The following GABRB2 variants were observed in gnomAD, a reference collection of about 807,000 sequenced individuals.
GABRB2 encodes gamma-aminobutyric acid type A receptor subunit beta2.
GABRB2 carries 16 observed loss-of-function variants against 54.7 expected under a neutral mutation model. The observed-to-expected ratio is 0.29, with a 90% CI of 0.20 to 0.44. GABRB2 has a LOEUF of 0.44. Among genes scored for constraint, GABRB2 ranks in the 20% least tolerant of loss-of-function variants. The probability of loss-of-function intolerance (pLI) is 1.00; values close to 1 mark genes in which losing one functional copy is unlikely to be tolerated. For missense variants in GABRB2, 355 were observed against 644.0 expected, an observed-to-expected ratio of 0.55 and a Z score of 4.86; for synonymous variants, 244 against 233.8, an observed-to-expected ratio of 1.04 and a Z score of -0.40.
chr5:161,533,072 T>C (rs1760514911), intron 3 of GABRB2, among the ~76,000 whole-genome samples: 1 of 151,594 alleles, frequency 6.6e-6, no homozygotes, highest in Non-Finnish European at 1.5e-5. Context: ...GCCCAGACAA[T>C]TACTTCTAGG....
Position 161,546,243 on chromosome 5 carries a change from G to A in GABRB2, c.169+79C>T, listed in dbSNP as rs1760983153. On this transcript the variant is annotated intron_variant, in intron 2 of 9. Coordinates refer to ENST00000393959, the MANE Select transcript of GABRB2 (RefSeq NM_001371727.1). ...GACACCACATGCACCCACAACTAGG[G>A]AGAGGGAAGAGAGCGCGCACAAAGC... The A allele has an allele frequency of 2.7e-6, 3 of 1,116,444 alleles. No homozygotes were observed. In the African/African-American group the frequency reaches 4.6e-5, roughly 17 times the overall value. 69.2% of individuals were successfully genotyped at this position (1,116,444 alleles called of 1,614,324 possible).
chr5:161,374,781 G>T (rs1363275952), intron 5 of GABRB2, among the ~76,000 whole-genome samples: 2 of 152,070 alleles, frequency 1.3e-5, no homozygotes, highest in African/African-American at 2.4e-5. Flanking sequence ...TGATCTTCAT[G>T]GGTACACATA....
At chr5:161,297,322 G>T (rs1757407022) in intron 9 of GABRB2, among the ~76,000 whole-genome samples, 1 of 152,118 alleles carries the variant, frequency 6.6e-6, no homozygotes, top group Non-Finnish European at 1.5e-5. Flanking sequence ...TGGGACACAT[G>T]TGCAGAACAT....
intron 4 of GABRB2, among the ~76,000 whole-genome samples, chr5:161,411,982 T>C (rs1019845831): frequency 6.6e-6 from 1 of 152,258 alleles, no homozygotes; most frequent in South Asian, 2.1e-4. Context: ...TTTAAAAATT[T>C]CCATCTGCTG....
At chr5:161,294,501 T>C (rs1027653117) in intron 9 of GABRB2, 73 bp from the exon 10 acceptor site, 16 of 1,287,212 alleles carry the variant, frequency 1.2e-5, no homozygotes, top group African/African-American at 3.0e-5. Context: ...CAAGGCACTA[T>C]GATCGGCACT....
At chr5:161,400,405 TAAACTAA>T (rs1245387200) in intron 5 of GABRB2, among the ~76,000 whole-genome samples, 24 of 152,158 alleles carry the variant, frequency 1.6e-4, no homozygotes, top group Non-Finnish European at 3.2e-4. Context: ...AGCCTAAAAG[TAAACTAA>T]GTAAACACGT....
chr5:161,451,911 T>C (rs1412639660), intron 4 of GABRB2, among the ~76,000 whole-genome samples: 1 of 152,162 alleles, frequency 6.6e-6, no homozygotes, highest in African/African-American at 2.4e-5. Context: ...TTTATTTTCA[T>C]AAGAACTATA....
At chr5:161,335,415 G>A (rs1374795979) in intron 6 of GABRB2, among the ~76,000 whole-genome samples, 2 of 152,006 alleles carry the variant, frequency 1.3e-5, no homozygotes, top group East Asian at 1.9e-4. Flanking sequence ...TAGTTTCATT[G>A]CTTCCATTGG....
chr5:161,469,921 T>G (rs2113294703), intron 3 of GABRB2, among the ~76,000 whole-genome samples: 2 of 152,080 alleles, frequency 1.3e-5, no homozygotes, highest in East Asian at 3.9e-4. Context: ...AAGTGAACAA[T>G]CTGAGATAGA....
At chr5:161,336,797 C>T (rs1288607420) in intron 5 of GABRB2, 28 bp from the exon 6 acceptor site, 7 of 1,534,652 alleles carry the variant, frequency 4.6e-6, no homozygotes, top group Admixed American at 4.2e-5. Context: ...CACACACACA[C>T]ACACAAATAC....
intron 5 of GABRB2, among the ~76,000 whole-genome samples, chr5:161,392,723 G>T (rs1053600298): frequency 6.6e-6 from 1 of 152,152 alleles, no homozygotes; most frequent in Admixed American, 6.6e-5. Context: ...GTGTTTAAGA[G>T]ATGTTAGCTA....
intron 3 of GABRB2, among the ~76,000 whole-genome samples, chr5:161,463,554 T>TACA (rs1491386641): frequency 4.5e-5 from 1 of 22,066 alleles, no homozygotes; most frequent in Non-Finnish European, 1.0e-4. Context: ...AATATTTTTA[T>TACA]TTATATATAT....
At chr5:161,457,754 C>G (rs1280354327) in intron 4 of GABRB2, among the ~76,000 whole-genome samples, 2 of 152,086 alleles carry the variant, frequency 1.3e-5, no homozygotes, top group Non-Finnish European at 2.9e-5. Flanking sequence ...CCCCCTTTTC[C>G]TCTCAATTCT....
chr5:161,427,266 C>T (rs1452998464), intron 4 of GABRB2, among the ~76,000 whole-genome samples: 1 of 152,148 alleles, frequency 6.6e-6, no homozygotes, highest in African/African-American at 2.4e-5. Flanking sequence ...TGATGATCAG[C>T]TGTTCACATT....
intron 4 of GABRB2, among the ~76,000 whole-genome samples, chr5:161,450,599 C>G (rs1757763408): frequency 6.6e-6 from 1 of 152,080 alleles, no homozygotes; most frequent in African/African-American, 2.4e-5. Flanking sequence ...ACAATAATAA[C>G]AAGCCCTGGG....
chr5:161,538,008 A>G (rs1760697035), intron 3 of GABRB2, among the ~76,000 whole-genome samples: 1 of 151,962 alleles, frequency 6.6e-6, no homozygotes, highest in Admixed American at 6.6e-5. Context: ...TCCATGTAAT[A>G]TATTAGTATA....
At chr5:161,540,460 T>C (rs1030558998) in intron 3 of GABRB2, among the ~76,000 whole-genome samples, 5 of 152,226 alleles carry the variant, frequency 3.3e-5, no homozygotes, top group Non-Finnish European at 7.3e-5. Flanking sequence ...CTCAAAGTCA[T>C]TCATGAGAAT....
intron 5 of GABRB2, among the ~76,000 whole-genome samples, chr5:161,401,722 C>A (rs1252782121): frequency 6.6e-6 from 1 of 152,168 alleles, no homozygotes; most frequent in African/African-American, 2.4e-5. Flanking sequence ...ATAAAACATT[C>A]ATGCTGGAAG....
chr5:161,480,830 T>C (rs1234104796), intron 3 of GABRB2, among the ~76,000 whole-genome samples: 1 of 152,000 alleles, frequency 6.6e-6, no homozygotes, highest in East Asian at 1.9e-4. Context: ...TTTTATCCAT[T>C]AAGAAATGCA....
Sources: allele counts gnomAD v4.1 joint callset (sites outside exome capture counted in the v4.1 genomes callset), GRCh38; gene constraint gnomAD v4.1.1; transcripts MANE v1.5; gene names NCBI Gene and HGNC (gene_info 2026-07-23, HGNC 2026-07-21).